Variants in PEX5L observed in about 807,000 individuals in gnomAD.
PEX5L encodes peroxisomal biogenesis factor 5 like.
PEX5L carries 30 observed loss-of-function variants against 84.0 expected under a neutral mutation model. The observed-to-expected ratio is 0.36, with a 90% CI of 0.27 to 0.48. The LOEUF is 0.48. Ranked by LOEUF, PEX5L falls within the 20% of genes least tolerant of loss-of-function variation. The pLI, the probability that PEX5L is intolerant of heterozygous loss-of-function variation, is 0.99. For missense variants in PEX5L, 533 were observed against 754.6 expected, an observed-to-expected ratio of 0.71 and a Z score of 3.44; for synonymous variants, 270 against 283.1, an observed-to-expected ratio of 0.95 and a Z score of 0.46.
chr3:179,888,835 A>G (rs2108866459), intron 3 of PEX5L, among the ~76,000 whole-genome samples: 1 of 152,050 alleles, frequency 6.6e-6, no homozygotes, highest in Non-Finnish European at 1.5e-5. Flanking sequence ...CATGATCATA[A>G]CTCACCGCAT....
In PEX5L at chr3:179,850,126, CT is replaced by C. The variant is rs376165221; in HGVS notation, c.822+8935del. Among the ~76,000 whole-genome samples, 99 of 146,048 alleles carry C rather than the reference CT, an allele frequency of 6.8e-4. 1 individual carries two copies. The highest frequency in any genetic ancestry group is 3.5e-3 in the Middle Eastern group (1 of 288). ...TTATCTAAGACTATCTTGCCTTATA[CT>C]TTTTTTTTTTGTTTTTTTGATGGAG... On this transcript the variant is annotated intron_variant, in intron 8 of 14. Transcript: ENST00000467460.
At chr3:179,874,196 G>T in intron 7 of PEX5L, 131 bp downstream of exon 7, 2 of 512,562 alleles carry the variant, frequency 3.9e-6, no homozygotes, top group East Asian at 3.6e-5. Flanking sequence ...GATAGCTACT[G>T]AATGAAACAG....
Position 179,954,208 on chromosome 3 carries a change from G to A in PEX5L, c.93+17386C>T, listed in dbSNP as rs1004504457. Reference sequence around the variant, plus strand: ...GCCCAGAAATTAACCATTAGTCGGGGGGGGGGGAAAAAGTCAGCCATGAGT... The same window carrying A: ...GCCCAGAAATTAACCATTAGTCGGGAGGGGGGGAAAAAGTCAGCCATGAGT... On this transcript the variant is annotated intron_variant, in intron 2 of 14. Transcript: ENST00000467460. Among the ~76,000 whole-genome samples the A allele has an allele frequency of 6.0e-5, 8 of 133,188 alleles. No homozygotes were observed. In the East Asian group the frequency reaches 1.4e-3, roughly 24 times the overall value. 87.4% of individuals were successfully genotyped at this position (133,188 alleles called of 152,430 possible).
At chr3:179,837,976 G>A (rs968637719) in intron 8 of PEX5L, among the ~76,000 whole-genome samples, 2 of 152,134 alleles carry the variant, frequency 1.3e-5, no homozygotes, top group Non-Finnish European at 2.9e-5. Context: ...TCTTCCTGCT[G>A]TGTTGCATTC....
intron 8 of PEX5L, among the ~76,000 whole-genome samples, chr3:179,853,533 A>G (rs958573451): frequency 2.0e-5 from 3 of 152,090 alleles, no homozygotes; most frequent in Non-Finnish European, 2.9e-5. Context: ...GCTCCTTCGC[A>G]GTTTGTCACT....
At chr3:179,875,570 G>A in intron 5 of PEX5L, 93 bp from the exon 6 acceptor site, 1 of 841,472 alleles carries the variant, frequency 1.2e-6, no homozygotes, top group South Asian at 1.6e-5. Flanking sequence ...GGAGCGTGTG[G>A]TGCAGAGGGA....
intron 7 of PEX5L, among the ~76,000 whole-genome samples, chr3:179,862,496 T>C (rs1406042958): frequency 2.0e-5 from 3 of 152,224 alleles, no homozygotes; most frequent in Non-Finnish European, 4.4e-5. Context: ...AGTTAGCCGA[T>C]CTTGTATCTA....
Position 179,861,095 on chromosome 3 carries a change from C to T in PEX5L, c.727-1938G>A, listed in dbSNP as rs553025230. On this transcript the variant is annotated intron_variant, in intron 7 of 14. Coordinates refer to ENST00000467460, the MANE Select transcript of PEX5L (RefSeq NM_016559.3). ...GTGTTTTGCTTTAATAAATGTGGAA[C>T]GTTTATTTATTAAAACATTAATTTA... Among the ~76,000 whole-genome samples, 7 of 152,320 alleles carry T rather than the reference C, an allele frequency of 4.6e-5. No homozygotes were observed. The East Asian group carries it at 9.6e-4, about 21-fold the overall frequency.
At chr3:179,873,360 T>C (rs949082816) in intron 7 of PEX5L, among the ~76,000 whole-genome samples, 7 of 152,178 alleles carry the variant, frequency 4.6e-5, no homozygotes, top group African/African-American at 1.2e-4. Context: ...TCTAGTAAGC[T>C]CAGGAAAATT....
intron 1 of PEX5L, among the ~76,000 whole-genome samples, chr3:180,018,682 G>C (rs1160650735): frequency 6.6e-6 from 1 of 152,124 alleles, no homozygotes; most frequent in Non-Finnish European, 1.5e-5. Context: ...GTGCTGCTCT[G>C]AAATGAAAAA....
At chr3:180,025,149 T>A (rs1204023111) in intron 1 of PEX5L, among the ~76,000 whole-genome samples, 2 of 152,210 alleles carry the variant, frequency 1.3e-5, no homozygotes, top group Non-Finnish European at 2.9e-5. Context: ...TGATTTCATT[T>A]CAAGTGTGTA....
At chr3:179,887,612 T>G (rs1756307164) in intron 4 of PEX5L, 61 bp downstream of exon 4, 1 of 1,037,670 alleles carries the variant, frequency 9.6e-7, no homozygotes, top group Non-Finnish European at 1.5e-6. Flanking sequence ...GGAAAAAATG[T>G]GCATTTTACT....
chr3:179,848,551 C>CAAAAAAAAAAA (rs377561010), intron 8 of PEX5L, among the ~76,000 whole-genome samples: 2 of 95,790 alleles, frequency 2.1e-5, no homozygotes, highest in African/African-American at 6.9e-5. Flanking sequence ...AAACCTCTCT[C>CAAAAAAAAAAA]AAAAAAAAAA....
intron 8 of PEX5L, among the ~76,000 whole-genome samples, chr3:179,849,135 C>T (rs1740770817): frequency 6.6e-6 from 1 of 152,164 alleles, no homozygotes; most frequent in South Asian, 2.1e-4. Context: ...TAGTGTTACC[C>T]TAAGTAATAA....
rs1300035703 is a variant in PEX5L at position 179,797,097 on chromosome 3, T to A, written c.*4731A>T. On this transcript the variant is annotated 3_prime_UTR_variant, in exon 15 of 15. Coordinates refer to ENST00000467460, the MANE Select transcript of PEX5L (RefSeq NM_016559.3). ...TAAGAATTTAAAGTCGAAACCTTTA[T>A]GTGCTGAGGCAGTCAACATGATTTA... 1.3e-5 allele frequency: 2 copies of A among 152,242 alleles called. No homozygotes were observed. Among genetic ancestry groups the A allele is most frequent in the Admixed American group, 6.5e-5 (1 of 15,286 alleles). The allele number at this position is 152,242 out of a possible 1,614,324, so 9.4% of individuals were successfully genotyped here. A position where few individuals can be genotyped will look rare whatever the true frequency, so the allele number is the denominator to read the frequency against.
intron 8 of PEX5L, among the ~76,000 whole-genome samples, chr3:179,830,443 G>A (rs778223267): frequency 5.3e-5 from 8 of 152,128 alleles, no homozygotes; most frequent in Admixed American, 2.6e-4. Context: ...TCAACAGCAA[G>A]GCAAGGATTC....
chr3:180,024,347 AATATATATATATATAT>A (rs148495757), intron 1 of PEX5L, among the ~76,000 whole-genome samples: 2 of 107,670 alleles, frequency 1.9e-5, no homozygotes, highest in South Asian at 6.9e-4. Context: ...GTCCCTACTA[AATATATATATATATAT>A]ATATATATAT....
intron 2 of PEX5L, among the ~76,000 whole-genome samples, chr3:179,956,776 G>A (rs539800176): frequency 6.6e-6 from 1 of 152,286 alleles, no homozygotes; most frequent in Admixed American, 6.5e-5. Context: ...CATGCACGGT[G>A]CCATCTCCAG....
intron 1 of PEX5L, among the ~76,000 whole-genome samples, chr3:179,983,122 T>A (rs992871580): frequency 1.4e-4 from 22 of 152,148 alleles, no homozygotes; most frequent in African/African-American, 5.1e-4. Flanking sequence ...TCTATTTTTA[T>A]ACATAGATAC....
Sources: gnomAD v4.1 joint callset for allele counts (sites outside exome capture counted in the v4.1 genomes callset) on GRCh38, gnomAD v4.1.1 for gene constraint, MANE v1.5 for transcripts, NCBI Gene and HGNC (gene_info 2026-07-23, HGNC 2026-07-21) for gene names.